The following MGAT4C variants were observed in gnomAD, a reference collection of about 807,000 sequenced individuals.
The protein encoded by MGAT4C is MGAT4 family member C.
MGAT4C carries 19 observed loss-of-function variants against 40.1 expected under a neutral mutation model. That is an observed-to-expected ratio of 0.47 (90% CI 0.33 to 0.70). The LOEUF is 0.70. MGAT4C is among the 30% of genes least tolerant of loss of function. MGAT4C has a pLI of 0.02. For synonymous variants in MGAT4C, 181 were observed against 187.1 expected (o/e 0.97, Z 0.27); for missense variants, 491 against 563.2 (o/e 0.87, Z 1.30).
intron 2 of MGAT4C, among the ~76,000 whole-genome samples, chr12:86,701,907 A>G (rs912926223): frequency 6.6e-6 from 1 of 152,202 alleles, no homozygotes; most frequent in Non-Finnish European, 1.5e-5. Context: ...ATGAAGTTTA[A>G]GAAAAAGTCA....
chr12:86,775,040 T>C (rs932786040), intron 1 of MGAT4C, among the ~76,000 whole-genome samples: 1 of 152,186 alleles, frequency 6.6e-6, no homozygotes, highest in Non-Finnish European at 1.5e-5. Flanking sequence ...TAAAAACATA[T>C]ACATTGCATA....
At position 86,341,583 on chromosome 12, in the gene MGAT4C, C is replaced by G. The variant is rs142688499; in HGVS notation, c.-119-7456G>C. Among the ~76,000 whole-genome samples, 4 of 152,312 alleles carry G rather than the reference C, an allele frequency of 2.6e-5. 1 individual carries two copies. Among genetic ancestry groups the G allele is most frequent in the African/African-American group, 9.6e-5 (4 of 41,564 alleles). The stretch of plus-strand genomic sequence containing the variant: ...CTGGCTTAAAATTACAATCAGCTAC[C>G]AGTAGCAGCACTGCACTCCCCTAAG... On this transcript the variant is annotated intron_variant, in intron 3 of 7. Coordinates refer to the MGAT4C transcript ENST00000548651.
At chr12:86,573,678 A>T (rs1388393550) in intron 2 of MGAT4C, among the ~76,000 whole-genome samples, 1 of 152,020 alleles carries the variant, frequency 6.6e-6, no homozygotes, top group Non-Finnish European at 1.5e-5. Flanking sequence ...GTATGTGTTC[A>T]CTAAATGTGG....
intron 2 of MGAT4C, among the ~76,000 whole-genome samples, chr12:86,588,021 T>C (rs1961142856): frequency 6.6e-6 from 1 of 152,004 alleles, no homozygotes; most frequent in South Asian, 2.1e-4. Flanking sequence ...ATCCCTGTCT[T>C]GTGCCAGTTT....
At chr12:86,208,253 A>G (rs757599932) in intron 1 of MGAT4C, among the ~76,000 whole-genome samples, 26 of 152,106 alleles carry the variant, frequency 1.7e-4, no homozygotes, top group Non-Finnish European at 3.8e-4. Flanking sequence ...ATCACTTGAG[A>G]TCAGGAGTTC....
intron 3 of MGAT4C, among the ~76,000 whole-genome samples, chr12:86,365,393 G>A (rs1955569752): frequency 6.6e-6 from 1 of 152,070 alleles, no homozygotes; most frequent in Non-Finnish European, 1.5e-5. Context: ...CATCACAGGG[G>A]CCTGAGGCAA....
In MGAT4C at chr12:86,835,978, T is replaced by C. The variant is rs191729941; in HGVS notation, c.-262+2688A>G. Among the ~76,000 whole-genome samples the C allele has an allele frequency of 3.5e-3, 539 of 152,132 alleles. 3 individuals are homozygous for C. The highest frequency in any genetic ancestry group is 0.017 in the Middle Eastern group (5 of 294). ...AAAAATATGTACCATTTATTGAGCA[T>C]ATGCGGTGCACAAACTACGTATTTA... is the stretch of plus-strand genomic sequence containing the variant. On this transcript the variant is annotated intron_variant, in intron 1 of 7. Transcript: ENST00000548651.
At chr12:86,034,605 G>C (rs1481299413) in intron 2 of MGAT4C, among the ~76,000 whole-genome samples, 1 of 148,016 alleles carries the variant, frequency 6.8e-6, no homozygotes, top group Non-Finnish European at 1.5e-5. Context: ...TATACTTTAA[G>C]TTCTGGAGTA....
chr12:86,208,236 C>T (rs750603694), intron 1 of MGAT4C, among the ~76,000 whole-genome samples: 6 of 152,142 alleles, frequency 3.9e-5, no homozygotes, highest in African/African-American at 9.7e-5. Context: ...GAGGCCGAGG[C>T]GGGCAGATCA....
chr12:85,997,517 A>G (rs1886761504), intron 2 of MGAT4C, among the ~76,000 whole-genome samples: 1 of 152,216 alleles, frequency 6.6e-6, no homozygotes, highest in Non-Finnish European at 1.5e-5. Context: ...TGAGACTGTA[A>G]AATCAAAGCA....
intron 2 of MGAT4C, among the ~76,000 whole-genome samples, chr12:86,454,240 T>A (rs1957473156): frequency 6.6e-6 from 1 of 152,118 alleles, no homozygotes; most frequent in Non-Finnish European, 1.5e-5. Flanking sequence ...TACATCCTTT[T>A]TTTTTAAGAC....
intron 4 of MGAT4C, among the ~76,000 whole-genome samples, chr12:86,293,915 A>C (rs1187145975): frequency 6.6e-6 from 1 of 152,126 alleles, no homozygotes; most frequent in East Asian, 1.9e-4. Flanking sequence ...AGCAATGCGG[A>C]ACTGTGAGTC....
intron 1 of MGAT4C, among the ~76,000 whole-genome samples, chr12:86,784,509 A>T (rs1204231805): frequency 6.6e-6 from 1 of 152,130 alleles, no homozygotes; most frequent in Non-Finnish European, 1.5e-5. Flanking sequence ...TGAAAAAGGT[A>T]ATTAGAGGAT....
intron 1 of MGAT4C, among the ~76,000 whole-genome samples, chr12:86,247,203 G>A (rs945036341): frequency 1.3e-5 from 2 of 152,172 alleles, no homozygotes; most frequent in Non-Finnish European, 2.9e-5. Flanking sequence ...ATATTAGTGG[G>A]AAGGAGGCTG....
chr12:86,142,586 C>A (rs1399978646), intron 1 of MGAT4C, among the ~76,000 whole-genome samples: 1 of 152,070 alleles, frequency 6.6e-6, no homozygotes, highest in Non-Finnish European at 1.5e-5. Flanking sequence ...AAAATCTAAT[C>A]CTTTACAGCT....
chr12:86,701,508 A>G (rs989100208), intron 2 of MGAT4C, among the ~76,000 whole-genome samples: 3 of 152,102 alleles, frequency 2.0e-5, no homozygotes, highest in African/African-American at 4.8e-5. Context: ...CTTTATTAAT[A>G]TTTGTTCTCA....
Position 86,446,680 on chromosome 12 carries a change from T to TATATATAC in MGAT4C, c.-228-11416_-228-11415insGTATATAT, listed in dbSNP as rs1555190150. Among the ~76,000 whole-genome samples, 57 of 120,120 alleles carry TATATATAC rather than the reference T, an allele frequency of 4.7e-4. 1 individual carries two copies. Among genetic ancestry groups the TATATATAC allele is most frequent in the Non-Finnish European group, 7.0e-4 (40 of 57,232 alleles). 78.8% of individuals were successfully genotyped at this position (120,120 alleles called of 152,430 possible). ...ACTCATATATATATATATATATATATATATATATATATATATATATATATG... is the reference window on the plus strand; with the variant it reads ...ACTCATATATATATATATATATATATATATATACATATATATATATATATATATATATG... On this transcript the variant is annotated intron_variant, in intron 2 of 7. Transcript: ENST00000548651.
chr12:86,228,716 A>T (rs1460896526), intron 1 of MGAT4C, among the ~76,000 whole-genome samples: 1 of 152,002 alleles, frequency 6.6e-6, no homozygotes, highest in African/African-American at 2.4e-5. Context: ...TGTATGTAAG[A>T]CTCTAATTTA....
chr12:86,080,383 T>G (rs1368236470), intron 1 of MGAT4C, among the ~76,000 whole-genome samples: 3 of 152,190 alleles, frequency 2.0e-5, no homozygotes, highest in Non-Finnish European at 2.9e-5. Context: ...TTTCTTTATA[T>G]TTTTAGCTTT....
Sources: gnomAD v4.1 joint callset for allele counts (sites outside exome capture counted in the v4.1 genomes callset) on GRCh38, gnomAD v4.1.1 for gene constraint, MANE v1.5 for transcripts, NCBI Gene and HGNC (gene_info 2026-07-23, HGNC 2026-07-21) for gene names.